ZNF582: variants seen among roughly 807,000 people sequenced by gnomAD.
ZNF582 encodes zinc finger protein 582.
Under a neutral mutation model 12.3 loss-of-function variants are expected in ZNF582, and 14 were observed. The ratio of observed to expected loss-of-function variants is 1.14; its 90% CI spans 0.75 to 1.78. The LOEUF is 1.78. ZNF582 is among the 40% of genes most tolerant of loss of function. ZNF582 has a pLI of 0.00. For missense variants in ZNF582, 567 were observed against 616.5 expected (o/e 0.92, Z 0.85); for synonymous variants, 210 against 207.2 (o/e 1.01, Z -0.11).
rs916522733 is a variant in ZNF582, at chr19:56,388,900, A to G, written c.232+1101T>C. Among the ~76,000 whole-genome samples, 15 of 152,124 alleles carry G rather than the reference A, an allele frequency of 9.9e-5. 1 individual carries two copies. The stretch of plus-strand genomic sequence containing the variant: ...CCAAAGTGCTGGGATTATAAGCATG[A>G]GCCACCATGCCCGGCCCCTAGTGTA... On this transcript the variant is annotated intron_variant, in intron 4 of 4. Coordinates refer to ENST00000586929, the Ensembl canonical transcript of ZNF582.
chr19:56,387,786 A>G (rs1443880422), intron 4 of ZNF582: 1 of 152,238 alleles, frequency 6.6e-6, no homozygotes, highest in Non-Finnish European at 1.5e-5. Flanking sequence ...AATATGTAAA[A>G]GTATTAACAC....
intron 4 of ZNF582, among the ~76,000 whole-genome samples, chr19:56,388,781 T>A (rs149897886): frequency 2.6e-5 from 4 of 151,944 alleles, no homozygotes; most frequent in Admixed American, 2.6e-4. Context: ...TATAGGCACG[T>A]GCCACCACAC....
Position 56,393,200 on chromosome 19 carries a change from G to A in ZNF582, c.-81+20C>T, listed in dbSNP as rs1308615561. ...AAAACATCCGCAATTTCAGGGGGTCGGAGACCCCTGCGCACCCACCTAAGG... is the reference window on the plus strand; with the variant it reads ...AAAACATCCGCAATTTCAGGGGGTCAGAGACCCCTGCGCACCCACCTAAGG... On this transcript the variant is annotated intron_variant, in intron 1 of 4. Transcript: ENST00000586929. 33 of 1,265,016 alleles carry A rather than the reference G, an allele frequency of 2.6e-5. No homozygotes were observed. The highest frequency in any genetic ancestry group is 4.4e-4 in the Middle Eastern group (2 of 4,556). 78.4% of individuals were successfully genotyped at this position (1,265,016 alleles called of 1,614,324 possible).
rs1458804179 is a variant in ZNF582, at chr19:56,390,116, T to C, written c.137-20A>G. The C allele has an allele frequency of 2.5e-6, 4 of 1,611,070 alleles. No individual in the cohort carries two copies. Among genetic ancestry groups the C allele is most frequent in the Non-Finnish European group, 3.4e-6 (4 of 1,178,070 alleles). On this transcript the variant is annotated intron_variant, in intron 3 of 4. Coordinates refer to ENST00000586929, the Ensembl canonical transcript of ZNF582. ...CAAGACCTGGAGATGAGAAGAAACATGCCACCTGGTTATGGTGTGGGGGCC... is the reference window on the plus strand; with the variant it reads ...CAAGACCTGGAGATGAGAAGAAACACGCCACCTGGTTATGGTGTGGGGGCC...
chr19:56,388,676 C>A (rs897522270), intron 4 of ZNF582, among the ~76,000 whole-genome samples: 1 of 152,092 alleles, frequency 6.6e-6, no homozygotes, highest in South Asian at 2.1e-4. Context: ...TCTGTTGCCC[C>A]AGCTGGAGCG....
At chr19:56,391,806 G>A (rs1458149668) in exon 2 of ZNF582, 1 of 1,614,150 alleles carries the variant, frequency 6.2e-7, no homozygotes, top group East Asian at 2.2e-5. Context: ...CTCTCTTGGG[G>A]AAGGGCAGAG....
At chr19:56,383,562 CA>C (rs1380718302) in exon 5 of ZNF582, 5 of 229,674 alleles carry the variant, frequency 2.2e-5, no homozygotes, top group Non-Finnish European at 1.7e-5. Flanking sequence ...CTTTGTTAAG[CA>C]AATGATAATC....
At chr19:56,392,829 G>A (rs2147521653) in intron 1 of ZNF582, among the ~76,000 whole-genome samples, 1 of 152,312 alleles carries the variant, frequency 6.6e-6, no homozygotes, top group South Asian at 2.1e-4. Flanking sequence ...TATATAAGGT[G>A]CCTACTGCAT....
At chr19:56,391,859 A>G (rs937267042) in intron 1 of ZNF582, 27 bp from the exon 2 acceptor site, 1 of 1,600,396 alleles carries the variant, frequency 6.2e-7, no homozygotes, top group Non-Finnish European at 8.5e-7. Context: ...CAAACATGAG[A>G]GGCTAGGCTT....
chr19:56,388,791 C>G (rs1031001269), intron 4 of ZNF582, among the ~76,000 whole-genome samples: 5 of 152,150 alleles, frequency 3.3e-5, no homozygotes, highest in Admixed American at 2.6e-4. Context: ...TGCCACCACA[C>G]CCGGCTAATT....
At chr19:56,388,796 C>T (rs1176385655) in intron 4 of ZNF582, among the ~76,000 whole-genome samples, 1 of 152,166 alleles carries the variant, frequency 6.6e-6, no homozygotes, top group Non-Finnish European at 1.5e-5. Flanking sequence ...CCACACCCGG[C>T]TAATTTTTGT....
chr19:56,383,113 A>C (rs1197394754), exon 5 of ZNF582: 1 of 152,274 alleles, frequency 6.6e-6, no homozygotes, highest in Non-Finnish European at 1.5e-5. Context: ...GTCCAAGGCA[A>C]GACACAGATG....
intron 2 of ZNF582, 144 bp from the exon 3 acceptor site, chr19:56,390,645 T>C (rs932350039): frequency 1.3e-6 from 1 of 776,570 alleles, no homozygotes; most frequent in Admixed American, 2.6e-5. Flanking sequence ...ACAGAAGAAA[T>C]GGGGATGAGT....
exon 1 of ZNF582, chr19:56,393,279 G>A (rs1449739279): frequency 1.6e-6 from 2 of 1,242,820 alleles, no homozygotes; most frequent in Non-Finnish European, 2.1e-6. Flanking sequence ...GCCAGAAAGC[G>A]CACGCCGCGA....
At chr19:56,391,711 G>T (rs779738497) in intron 2 of ZNF582, 33 bp downstream of exon 2, 1 of 1,598,854 alleles carries the variant, frequency 6.3e-7, no homozygotes, top group Non-Finnish European at 8.6e-7. Context: ...TCAAGATAAG[G>T]AAAGCAAATA....
intron 4 of ZNF582, among the ~76,000 whole-genome samples, chr19:56,389,601 A>AG (rs2041998680): frequency 2.0e-5 from 3 of 152,158 alleles, no homozygotes; most frequent in African/African-American, 7.2e-5. Context: ...TGATGAAATA[A>AG]TCTGTAAACA....
chr19:56,384,679 C>G, exon 5 of ZNF582: 1 of 1,613,596 alleles, frequency 6.2e-7, no homozygotes, highest in Non-Finnish European at 8.5e-7. Flanking sequence ...TATGAACTCT[C>G]TGATGTTGTA....
At chr19:56,392,008 G>A (rs2042017890) in intron 1 of ZNF582, among the ~76,000 whole-genome samples, 176 bp from the exon 2 acceptor site, 1 of 152,036 alleles carries the variant, frequency 6.6e-6, no homozygotes, top group Non-Finnish European at 1.5e-5. Context: ...CAAGGCAAAG[G>A]GGAACCAGTG....
exon 4 of ZNF582, chr19:56,390,050 G>A (rs989117253): frequency 1.3e-5 from 21 of 1,613,786 alleles, no homozygotes; most frequent in Non-Finnish European, 1.8e-5. Context: ...AGGGCTCTTT[G>A]CCTTGCTCTA....
Sources: allele counts gnomAD v4.1 joint callset (sites outside exome capture counted in the v4.1 genomes callset), GRCh38; gene constraint gnomAD v4.1.1; transcripts MANE v1.5; gene names NCBI Gene and HGNC (gene_info 2026-07-23, HGNC 2026-07-21).